Variants in WFDC10B observed in about 807,000 individuals in gnomAD.
WFDC10B encodes protein WFDC10B.
A neutral mutation model predicts 2.7 loss-of-function variants in WFDC10B; 1 was observed. The ratio of observed to expected loss-of-function variants is 0.38; its 90% CI spans 0.13 to 1.79. The LOEUF (loss-of-function observed/expected upper bound fraction) is 1.79. Among genes scored for constraint, WFDC10B ranks in the 40% most tolerant of loss-of-function variants. The pLI is 0.33. For missense variants in WFDC10B, 71 were observed against 87.8 expected (o/e 0.81, Z 0.76); for synonymous variants, 26 against 32.2 (o/e 0.81, Z 0.65).
chr20:45,697,564 C>T (rs1984015587), intron 2 of WFDC10B, among the ~76,000 whole-genome samples: 2 of 151,704 alleles, frequency 1.3e-5, no homozygotes, highest in Non-Finnish European at 2.9e-5. Context: ...GTTGCCCAGG[C>T]TGATCTCGAA....
intron 2 of WFDC10B, among the ~76,000 whole-genome samples, chr20:45,698,409 T>C (rs1421726492): frequency 6.6e-6 from 1 of 151,568 alleles, no homozygotes; most frequent in Non-Finnish European, 1.5e-5. Context: ...AAAAGCACAG[T>C]AACAAAAGAA....
At chr20:45,699,137 A>G (rs1366432057) in intron 2 of WFDC10B, among the ~76,000 whole-genome samples, 1 of 152,184 alleles carries the variant, frequency 6.6e-6, no homozygotes, top group Non-Finnish European at 1.5e-5. Context: ...AAGTGCTGAC[A>G]AGCATGTGGA....
At chr20:45,690,915 T>G (rs1258525655) in intron 2 of WFDC10B, among the ~76,000 whole-genome samples, 1 of 152,228 alleles carries the variant, frequency 6.6e-6, no homozygotes, top group Non-Finnish European at 1.5e-5. Flanking sequence ...CTAGTTCTTT[T>G]AATTGTGATG....
chr20:45,694,233 C>T (rs527421399), intron 2 of WFDC10B, among the ~76,000 whole-genome samples: 3 of 152,210 alleles, frequency 2.0e-5, no homozygotes, highest in Admixed American at 6.5e-5. Context: ...TGGTATTGCC[C>T]AGATTTTCTT....
At chr20:45,699,767 C>T (rs1230752798) in intron 2 of WFDC10B, among the ~76,000 whole-genome samples, 1 of 152,228 alleles carries the variant, frequency 6.6e-6, no homozygotes, top group African/African-American at 2.4e-5. Flanking sequence ...CAACCTCTGC[C>T]TCCCGGGTTC....
At chr20:45,696,385 G>T (rs561052458) in intron 2 of WFDC10B, among the ~76,000 whole-genome samples, 1 of 151,652 alleles carries the variant, frequency 6.6e-6, no homozygotes, top group South Asian at 2.1e-4. Context: ...CTAGCAGAAG[G>T]AAGGAAATAA....
chr20:45,687,899 G>C (rs1182134257), intron 2 of WFDC10B, among the ~76,000 whole-genome samples: 2 of 134,550 alleles, frequency 1.5e-5, no homozygotes, highest in Non-Finnish European at 3.1e-5. Flanking sequence ...TATACTTTAA[G>C]TTTTAGGGTA....
chr20:45,688,327 A>G (rs1983698576), intron 2 of WFDC10B, among the ~76,000 whole-genome samples: 1 of 152,070 alleles, frequency 6.6e-6, no homozygotes, highest in African/African-American at 2.4e-5. Flanking sequence ...TACTGCCGCA[A>G]TAAACATACA....
chr20:45,697,631 C>T (rs949007322), intron 2 of WFDC10B, among the ~76,000 whole-genome samples: 14 of 151,532 alleles, frequency 9.2e-5, no homozygotes, highest in Admixed American at 6.6e-5. Context: ...AGATTATAGG[C>T]GTGAGCCACC....
intron 2 of WFDC10B, among the ~76,000 whole-genome samples, chr20:45,703,729 T>G (rs1392775067): frequency 6.6e-6 from 1 of 151,984 alleles, no homozygotes; most frequent in Non-Finnish European, 1.5e-5. Flanking sequence ...GGGGAGGAAA[T>G]AGGAAGTCAA....
intron 2 of WFDC10B, among the ~76,000 whole-genome samples, chr20:45,702,974 G>A (rs1984228529): frequency 6.6e-6 from 1 of 152,194 alleles, no homozygotes; most frequent in Non-Finnish European, 1.5e-5. Flanking sequence ...TGCTTAAGAA[G>A]TTTCAGAAAA....
At chr20:45,697,362 TA>T (rs1984007204) in intron 2 of WFDC10B, among the ~76,000 whole-genome samples, 1 of 144,122 alleles carries the variant, frequency 6.9e-6, no homozygotes, top group African/African-American at 2.6e-5. Flanking sequence ...CCTCAAGAAA[TA>T]GAAAGACATC....
chr20:45,689,129 T>G (rs563811402), intron 2 of WFDC10B, among the ~76,000 whole-genome samples: 72 of 147,774 alleles, frequency 4.9e-4, no homozygotes, highest in Admixed American at 1.0e-3. Context: ...TTTCTCAGGT[T>G]TGTCAAAGAT....
intron 2 of WFDC10B, among the ~76,000 whole-genome samples, chr20:45,697,379 A>ATTTTTTTT (rs869059383): frequency 3.5e-5 from 4 of 114,016 alleles, no homozygotes; most frequent in African/African-American, 1.0e-4. Flanking sequence ...ACATCCCATC[A>ATTTTTTTT]TTTTTTTTTT....
chr20:45,704,243 CA>C (rs1600968420), intron 2 of WFDC10B, among the ~76,000 whole-genome samples: 1 of 152,270 alleles, frequency 6.6e-6, no homozygotes, highest in African/African-American at 2.4e-5. Flanking sequence ...TGTTCTTGAT[CA>C]AAAAATATCC....
intron 2 of WFDC10B, among the ~76,000 whole-genome samples, chr20:45,693,254 A>T (rs1312699672): frequency 2.0e-5 from 3 of 152,198 alleles, no homozygotes; most frequent in African/African-American, 7.2e-5. Context: ...GGTGCCTCCC[A>T]GTTAGGCTGC....
At chr20:45,687,779 T>A (rs894679653) in intron 2 of WFDC10B, among the ~76,000 whole-genome samples, 1 of 152,120 alleles carries the variant, frequency 6.6e-6, no homozygotes, top group Non-Finnish European at 1.5e-5. Context: ...TTCATGTTTA[T>A]CGGCTGCATA....
chr20:45,695,691 A>G (rs1983954315), intron 2 of WFDC10B, among the ~76,000 whole-genome samples: 1 of 152,222 alleles, frequency 6.6e-6, no homozygotes, highest in South Asian at 2.1e-4. Flanking sequence ...AACGGAAATT[A>G]GAAAATAATT....
intron 2 of WFDC10B, among the ~76,000 whole-genome samples, chr20:45,700,268 C>G (rs138356335): frequency 6.6e-6 from 1 of 152,166 alleles, no homozygotes; most frequent in African/African-American, 2.4e-5. Flanking sequence ...GCAAGAAAAA[C>G]AGAGTTGAGA....
Sources: allele counts gnomAD v4.1 joint callset (sites outside exome capture counted in the v4.1 genomes callset), GRCh38; gene constraint gnomAD v4.1.1; transcripts MANE v1.5; gene names NCBI Gene and HGNC (gene_info 2026-07-23, HGNC 2026-07-21).